PTPRO: variants seen among roughly 807,000 people sequenced by gnomAD.
PTPRO encodes receptor-type tyrosine-protein phosphatase O.
Under a neutral mutation model 145.2 loss-of-function variants are expected in PTPRO, and 62 were observed. The ratio of observed to expected loss-of-function variants is 0.43; its 90% CI spans 0.35 to 0.53. PTPRO has a LOEUF of 0.53. PTPRO is among the 20% of genes least tolerant of loss of function. The pLI is 0.01. For missense variants in PTPRO, 1,345 were observed against 1,482.7 expected (o/e 0.91, Z 1.53); for synonymous variants, 565 against 514.7 (o/e 1.10, Z -1.32).
At chr12:15,475,483 A>G (rs541379011) in intron 1 of PTPRO, among the ~76,000 whole-genome samples, 2 of 152,340 alleles carry the variant, frequency 1.3e-5, no homozygotes, top group South Asian at 4.1e-4. Context: ...CACAATATGT[A>G]TATGATTTCT....
intron 1 of PTPRO, among the ~76,000 whole-genome samples, chr12:15,353,477 C>T (rs2136233829): frequency 6.6e-6 from 1 of 151,614 alleles, no homozygotes; most frequent in East Asian, 1.9e-4. Context: ...TTTTAACATT[C>T]AGAAACAAAA....
chr12:15,344,193 T>C (rs1213000804), intron 1 of PTPRO, among the ~76,000 whole-genome samples: 1 of 152,216 alleles, frequency 6.6e-6, no homozygotes, highest in Non-Finnish European at 1.5e-5. Flanking sequence ...TGAACATTGT[T>C]AATGTTGAAG....
At chr12:15,352,797 C>A (rs16910770) in intron 1 of PTPRO, among the ~76,000 whole-genome samples, 1 of 151,896 alleles carries the variant, frequency 6.6e-6, no homozygotes, top group Non-Finnish European at 1.5e-5. Context: ...TTGATACACA[C>A]GAATTGGAAG....
At chr12:15,405,934 G>A (rs868845764) in intron 1 of PTPRO, among the ~76,000 whole-genome samples, 8 of 152,164 alleles carry the variant, frequency 5.3e-5, no homozygotes, top group African/African-American at 1.7e-4. Context: ...TTTCAATTGT[G>A]GAATCAAGTG....
intron 19 of PTPRO, among the ~76,000 whole-genome samples, chr12:15,575,329 C>T (rs1019933116): frequency 6.6e-6 from 1 of 152,200 alleles, no homozygotes; most frequent in Non-Finnish European, 1.5e-5. Context: ...CCACTGCAAA[C>T]ATGGTGAACT....
At chr12:15,503,505 A>G (rs1169144526) in intron 5 of PTPRO, among the ~76,000 whole-genome samples, 2 of 152,198 alleles carry the variant, frequency 1.3e-5, no homozygotes, top group Non-Finnish European at 2.9e-5. Flanking sequence ...TGGATGGTTA[A>G]TACTACCACA....
chr12:15,412,144 A>C (rs1476812129), intron 1 of PTPRO, among the ~76,000 whole-genome samples: 3 of 150,676 alleles, frequency 2.0e-5, no homozygotes, highest in Non-Finnish European at 2.9e-5. Context: ...GGAAATGCCA[A>C]ATTTTCTGGG....
At chr12:15,544,742 T>C (rs1382812652) in intron 12 of PTPRO, among the ~76,000 whole-genome samples, 1 of 152,182 alleles carries the variant, frequency 6.6e-6, no homozygotes, top group East Asian at 1.9e-4. Flanking sequence ...TCAGAATCCC[T>C]AAAGGACATA....
rs572261817 is a variant in PTPRO, at chr12:15,507,940, AG to A, written c.1268-630del. On this transcript the variant is annotated intron_variant, in intron 6 of 26. Transcript: ENST00000281171. ...TTACTAGGTGTCAGGCACTGTGTTAAGAACCACTTTAGGAACATAAGAGAAC... is the reference window on the plus strand; with the variant it reads ...TTACTAGGTGTCAGGCACTGTGTTAAAACCACTTTAGGAACATAAGAGAAC... Among the ~76,000 whole-genome samples the A allele has an allele frequency of 1.2e-4, 19 of 152,370 alleles. No individual in the cohort carries two copies. In the South Asian group the frequency reaches 3.3e-3, roughly 27 times the overall value.
chr12:15,532,877 T>C (rs1942990059), intron 12 of PTPRO, among the ~76,000 whole-genome samples: 1 of 152,200 alleles, frequency 6.6e-6, no homozygotes, highest in Admixed American at 6.5e-5. Flanking sequence ...CAAGCTTTAC[T>C]AATACAGGAA....
chr12:15,507,631 C>T (rs1402881717), intron 6 of PTPRO, among the ~76,000 whole-genome samples: 2 of 152,120 alleles, frequency 1.3e-5, no homozygotes. Context: ...GTGTCACTGA[C>T]CTGCCAGGAA....
intron 1 of PTPRO, among the ~76,000 whole-genome samples, chr12:15,343,938 C>T (rs1221852247): frequency 5.9e-5 from 9 of 152,216 alleles, no homozygotes; most frequent in Non-Finnish European, 1.3e-4. Flanking sequence ...CCCGCCTCGG[C>T]CTCCCAAAGT....
intron 1 of PTPRO, among the ~76,000 whole-genome samples, chr12:15,405,505 T>C (rs555665479): frequency 2.0e-5 from 3 of 152,328 alleles, no homozygotes; most frequent in Admixed American, 6.5e-5. Context: ...CATAGTTCCA[T>C]ATGCCTTTGG....
chr12:15,525,243 A>G (rs1942813388), intron 11 of PTPRO, among the ~76,000 whole-genome samples: 1 of 152,228 alleles, frequency 6.6e-6, no homozygotes, highest in Non-Finnish European at 1.5e-5. Context: ...AACATTTTCA[A>G]GAAAACTACA....
At chr12:15,438,268 A>G (rs1217423568) in intron 1 of PTPRO, among the ~76,000 whole-genome samples, 1 of 152,186 alleles carries the variant, frequency 6.6e-6, no homozygotes, top group Non-Finnish European at 1.5e-5. Flanking sequence ...CCAGGTGAGA[A>G]GCAACCAGCA....
rs773642552 is a variant in PTPRO, at chr12:15,322,829, C to T, written c.75+28C>T. The T allele has an allele frequency of 1.2e-5, 20 of 1,604,362 alleles. No homozygotes were observed. The highest frequency in any genetic ancestry group is 6.8e-5 in the East Asian group (3 of 44,424). ...AGGGGAGCTCCTCCACCCCTTTTTCCCAGCGGTCCGGGCGGCAGCCGCGCT... is the reference window on the plus strand; with the variant it reads ...AGGGGAGCTCCTCCACCCCTTTTTCTCAGCGGTCCGGGCGGCAGCCGCGCT... On this transcript the variant is annotated intron_variant, in intron 1 of 26. Coordinates refer to ENST00000281171, the MANE Select transcript of PTPRO (RefSeq NM_030667.3). This position sits in a 1 kb window ranked among gnomAD's most constrained non-coding sequence, Gnocchi z 6.3.
At position 15,508,774 on chromosome 12, in the gene PTPRO, G is replaced by A. The variant is rs1942375370; in HGVS notation, c.1464+7G>A. The A allele has an allele frequency of 1.2e-6, 2 of 1,613,592 alleles. No individual in the cohort carries two copies. Among genetic ancestry groups the A allele is most frequent in the South Asian group, 1.1e-5 (1 of 91,066 alleles). ...AAAGCAGTACTGCACTCAGGTAAAG[G>A]AGAGGAAATGAGAATGGGCTCGCCG... On this transcript the variant is annotated splice_region_variant and intron_variant, in intron 7 of 26. Coordinates refer to ENST00000281171, the MANE Select transcript of PTPRO (RefSeq NM_030667.3).
chr12:15,467,217 C>T (rs765190414), intron 1 of PTPRO, among the ~76,000 whole-genome samples: 3 of 152,128 alleles, frequency 2.0e-5, no homozygotes, highest in Non-Finnish European at 4.4e-5. Flanking sequence ...CAATCACTTC[C>T]AAATATTAGG....
intron 12 of PTPRO, among the ~76,000 whole-genome samples, chr12:15,532,279 TG>T (rs772110880): frequency 1.3e-5 from 2 of 152,202 alleles, no homozygotes; most frequent in Non-Finnish European, 2.9e-5. Context: ...CTATCTTAAT[TG>T]GATTTAAATA....
Sources: allele counts gnomAD v4.1 joint callset (sites outside exome capture counted in the v4.1 genomes callset), GRCh38; gene constraint gnomAD v4.1.1; non-coding constraint Gnocchi (gnomAD v3.1); transcripts MANE v1.5; gene names NCBI Gene and HGNC (gene_info 2026-07-23, HGNC 2026-07-21).